The following GCLC variants were observed in gnomAD, a reference collection of about 807,000 sequenced individuals.
GCLC encodes the protein glutamate--cysteine ligase catalytic subunit.
GCLC carries 30 observed loss-of-function variants against 81.5 expected under a neutral mutation model. That is an observed-to-expected ratio of 0.37 (90% CI 0.28 to 0.50). GCLC has a LOEUF of 0.50. GCLC is among the 20% of genes least tolerant of loss of function. The pLI, the probability that GCLC is intolerant of heterozygous loss-of-function variation, is 0.96. For synonymous variants in GCLC, 262 were observed against 273.3 expected, an observed-to-expected ratio of 0.96 and a Z score of 0.41; for missense variants, 556 against 777.4, an observed-to-expected ratio of 0.72 and a Z score of 3.39.
intron 1 of GCLC, among the ~76,000 whole-genome samples, chr6:53,527,881 C>T (rs1334325965): frequency 6.6e-6 from 1 of 152,160 alleles, no homozygotes; most frequent in Admixed American, 6.5e-5. Context: ...GACTGCAGCA[C>T]AATCACCCTC....
Position 53,506,830 on chromosome 6 carries a change from G to T in GCLC, c.1197+83C>A. On this transcript the variant is annotated intron_variant, in intron 10 of 15. Transcript: ENST00000650454. The surrounding 1 kb of genome is among the most constrained non-coding windows in gnomAD (Gnocchi z 4.0). ...AAACTGCCTCCCCATGTTGGTTTGT[G>T]AAGTGAAATGCATATAAAACAGAGG... 1.3e-6 allele frequency: 1 copy of T among 776,112 alleles called. No individual in the cohort carries two copies. The highest frequency in any genetic ancestry group is 1.5e-5 in the South Asian group (1 of 68,480). The allele number at this position is 776,112 out of a possible 1,614,324, so 48.1% of individuals were successfully genotyped here.
chr6:53,538,859 A>G (rs1763304175), intron 1 of GCLC, among the ~76,000 whole-genome samples: 1 of 152,218 alleles, frequency 6.6e-6, no homozygotes, highest in Non-Finnish European at 1.5e-5. Context: ...TTAGTTTTAA[A>G]TGTTGTTTTC....
intron 14 of GCLC, 40 bp downstream of exon 14, chr6:53,500,207 T>C: frequency 6.2e-7 from 1 of 1,613,420 alleles, no homozygotes; most frequent in East Asian, 2.2e-5. Flanking sequence ...TGCCGGGGGA[T>C]GTGCACAGTG....
chr6:53,537,796 C>A (rs1763281866), intron 1 of GCLC, among the ~76,000 whole-genome samples: 1 of 151,866 alleles, frequency 6.6e-6, no homozygotes, highest in Non-Finnish European at 1.5e-5. Context: ...ATGACCACAG[C>A]TATTTAAATA....
At chr6:53,533,588 C>T (rs967145064) in intron 1 of GCLC, among the ~76,000 whole-genome samples, 1 of 152,012 alleles carries the variant, frequency 6.6e-6, no homozygotes, top group Non-Finnish European at 1.5e-5. Flanking sequence ...TGAATTCTAC[C>T]ACTTCTGGTA....
chr6:53,529,262 C>T (rs1463892269), intron 1 of GCLC, among the ~76,000 whole-genome samples: 2 of 152,150 alleles, frequency 1.3e-5, no homozygotes, highest in Non-Finnish European at 2.9e-5. Context: ...GAATGTAGAC[C>T]TGCTCTTTCA....
intron 1 of GCLC, among the ~76,000 whole-genome samples, chr6:53,536,796 C>G (rs1763264874): frequency 6.6e-6 from 1 of 152,198 alleles, no homozygotes; most frequent in Non-Finnish European, 1.5e-5. Flanking sequence ...TAATACCATA[C>G]TTCTAGACAG....
chr6:53,508,848 T>TA, intron 7 of GCLC, 137 bp from the exon 8 acceptor site: 1 of 708,948 alleles, frequency 1.4e-6, no homozygotes, highest in Non-Finnish European at 2.6e-6. Flanking sequence ...GTGCCTATCT[T>TA]ACAGTGAAAT....
At chr6:53,534,153 T>A (rs1403604148) in intron 1 of GCLC, among the ~76,000 whole-genome samples, 2 of 152,218 alleles carry the variant, frequency 1.3e-5, no homozygotes, top group Non-Finnish European at 2.9e-5. Context: ...TCGACTCTGA[T>A]CTTCAGACTA....
chr6:53,542,929 A>C (rs1376454620), intron 1 of GCLC, among the ~76,000 whole-genome samples: 4 of 152,048 alleles, frequency 2.6e-5, no homozygotes, highest in Admixed American at 1.3e-4. Flanking sequence ...GAATTGCTTG[A>C]ACCCGGGAGG....
intron 6 of GCLC, chr6:53,510,183 G>T (rs775981632): frequency 1.3e-5 from 2 of 152,188 alleles, no homozygotes; most frequent in Non-Finnish European, 2.9e-5. Context: ...TAGAGATAAA[G>T]AGGTGTCATG....
chr6:53,511,901 G>GGC (rs1475713211), intron 6 of GCLC, among the ~76,000 whole-genome samples: 1 of 24,334 alleles, frequency 4.1e-5, no homozygotes, highest in Non-Finnish European at 6.8e-5. Context: ...CATGACTTTG[G>GGC]GGGGGGGGGT....
intron 1 of GCLC, among the ~76,000 whole-genome samples, chr6:53,530,376 T>C (rs187699779): frequency 6.6e-6 from 1 of 152,168 alleles, no homozygotes; most frequent in East Asian, 1.9e-4. Context: ...CCTGTGGGAT[T>C]TGGAAGATTT....
intron 6 of GCLC, 84 bp from the exon 7 acceptor site, chr6:53,509,334 G>T: frequency 1.2e-6 from 1 of 811,186 alleles, no homozygotes; most frequent in African/African-American, 1.7e-5. Context: ...GAAGGTGCTG[G>T]GCAGAGAGGG....
At chr6:53,519,127 T>TCTGCC (rs1189466110) in intron 3 of GCLC, among the ~76,000 whole-genome samples, 1 of 152,210 alleles carries the variant, frequency 6.6e-6, no homozygotes, top group Non-Finnish European at 1.5e-5. Context: ...GGGGATGCCA[T>TCTGCC]CTGCCCAACC....
chr6:53,514,177 T>C lies in GCLC; in HGVS notation c.753+27A>G, dbSNP rs1171614675. 3 of 1,610,762 alleles carry C rather than the reference T, an allele frequency of 1.9e-6. No individual in the cohort carries two copies. In the Admixed American group the frequency reaches 5.0e-5, roughly 27 times the overall value. ...AAAAACAGAAATGGATGGAACACTT[T>C]GCCTCTCTGTATATTTGAAACTATA... is the stretch of plus-strand genomic sequence containing the variant. On this transcript the variant is annotated intron_variant, in intron 6 of 15. Transcript: ENST00000650454.
At chr6:53,543,146 C>T (rs1763388231) in intron 1 of GCLC, among the ~76,000 whole-genome samples, 1 of 152,220 alleles carries the variant, frequency 6.6e-6, no homozygotes, top group African/African-American at 2.4e-5. Flanking sequence ...ACACCAGGCA[C>T]AAGGCTGGGC....
chr6:53,504,884 C>G (rs567786150), intron 12 of GCLC, among the ~76,000 whole-genome samples: 2 of 152,280 alleles, frequency 1.3e-5, no homozygotes, highest in African/African-American at 4.8e-5. Flanking sequence ...AAACCAAAGG[C>G]GTTCACCTCC....
At chr6:53,522,389 C>A in intron 2 of GCLC, 26 bp downstream of exon 2, 2 of 1,285,340 alleles carry the variant, frequency 1.6e-6, no homozygotes, top group Non-Finnish European at 2.3e-6. Flanking sequence ...GTTTCAGAAA[C>A]ACTAAATCAG....
Sources: allele counts gnomAD v4.1 joint callset (sites outside exome capture counted in the v4.1 genomes callset), GRCh38; gene constraint gnomAD v4.1.1; non-coding constraint Gnocchi (gnomAD v3.1); transcripts MANE v1.5; gene names NCBI Gene and HGNC (gene_info 2026-07-23, HGNC 2026-07-21).